ANK3: variants seen among roughly 807,000 people sequenced by gnomAD.
ANK3 encodes the protein ankyrin 3.
In ANK3, 57 loss-of-function variants were observed where a neutral mutation model predicts 370.9. That is an observed-to-expected ratio of 0.15 (90% confidence interval 0.12 to 0.19). The LOEUF (loss-of-function observed/expected upper bound fraction) is 0.19, where lower values mean the gene tolerates loss of function less well. Among genes scored for constraint, ANK3 ranks in the 10% least tolerant of loss-of-function variants. ANK3 has a pLI of 1.00. For missense variants in ANK3, 4,439 were observed against 5,302.1 expected, an observed-to-expected ratio of 0.84 and a Z score of 5.06; for synonymous variants, 1,929 against 1,946.3, an observed-to-expected ratio of 0.99 and a Z score of 0.23.
chr10:60,346,453 C>T (rs2055513411), intron 1 of ANK3, among the ~76,000 whole-genome samples: 2 of 126,354 alleles, frequency 1.6e-5, no homozygotes, highest in Admixed American at 1.7e-4. Flanking sequence ...CAAAAAAGTA[C>T]TCAAACTTAT....
At chr10:60,570,852 GA>G (rs893176088) in intron 2 of ANK3, among the ~76,000 whole-genome samples, 2 of 151,168 alleles carry the variant, frequency 1.3e-5, no homozygotes, top group African/African-American at 2.4e-5. Context: ...AGAGAGAGGG[GA>G]AAAAAAAGCC....
intron 1 of ANK3, among the ~76,000 whole-genome samples, chr10:60,326,812 G>T (rs963394927): frequency 2.6e-5 from 4 of 152,130 alleles, no homozygotes; most frequent in Admixed American, 1.3e-4. Flanking sequence ...ACGAGGTCAG[G>T]CTATCGAGAC....
chr10:60,233,063 C>T (rs76811070), intron 8 of ANK3, among the ~76,000 whole-genome samples: 3,394 of 152,238 alleles, frequency 0.022, 117 homozygotes, highest in African/African-American at 0.074. Flanking sequence ...GATTAGATTG[C>T]TTCTTGCACA....
chr10:60,112,261 T>C (rs1017689487), intron 26 of ANK3, among the ~76,000 whole-genome samples: 2 of 151,752 alleles, frequency 1.3e-5, no homozygotes, highest in African/African-American at 4.8e-5. Flanking sequence ...CTTTGAAATA[T>C]GGCGGCAATT....
intron 2 of ANK3, among the ~76,000 whole-genome samples, chr10:60,595,712 T>C (rs758623168): frequency 4.6e-5 from 7 of 152,146 alleles, no homozygotes; most frequent in Admixed American, 2.0e-4. Flanking sequence ...GGAGGAACTG[T>C]TATCTTTGTT....
At position 60,647,832 on chromosome 10, in the gene ANK3, A is replaced by C. The variant is rs563928246; in HGVS notation, c.58-32608T>G. 2.7e-5 allele frequency among the ~76,000 whole-genome samples: 4 copies of C among 148,852 alleles called. No individual in the cohort carries two copies. The East Asian group carries it at 6.1e-4, about 23-fold the overall frequency. ...ATAAAAACAGGTTTTTCAAATTTTCAAGACAGAAACAAAATTTGCCTTTTT... is the reference window on the plus strand; with the variant it reads ...ATAAAAACAGGTTTTTCAAATTTTCCAGACAGAAACAAAATTTGCCTTTTT... On this transcript the variant is annotated intron_variant, in intron 1 of 43. Transcript: ENST00000373827.
intron 23 of ANK3, among the ~76,000 whole-genome samples, chr10:60,143,781 A>G (rs983011517): frequency 5.3e-5 from 8 of 152,214 alleles, no homozygotes; most frequent in African/African-American, 1.9e-4. Context: ...GTGATTTTGA[A>G]TGAATGAGTT....
At chr10:60,233,561 A>T (rs1178270292) in intron 8 of ANK3, among the ~76,000 whole-genome samples, 1 of 152,162 alleles carries the variant, frequency 6.6e-6, no homozygotes, top group Non-Finnish European at 1.5e-5. Context: ...CCTGTTGTAC[A>T]GCCAAGACTA....
chr10:60,082,307 T>A lies in ANK3; in HGVS notation c.4324-131A>T. ...CTGATTTAGAAAGCAAAGCAAATTTTAAAAAAAGCCAACAAAAAATATCAA... is the reference window on the plus strand; with the variant it reads ...CTGATTTAGAAAGCAAAGCAAATTTAAAAAAAAGCCAACAAAAAATATCAA... On this transcript the variant is annotated intron_variant, in intron 34 of 43. Coordinates refer to ENST00000280772, the MANE Select transcript of ANK3 (RefSeq NM_020987.5). 2.3e-6 allele frequency: 2 copies of A among 868,196 alleles called. No homozygotes were observed. Among genetic ancestry groups the A allele is most frequent in the South Asian group, 1.7e-5 (1 of 57,210 alleles). The allele number at this position is 868,196 out of a possible 1,614,324, so 53.8% of individuals were successfully genotyped here. A position where few individuals can be genotyped will look rare whatever the true frequency, so the allele number is the denominator to read the frequency against.
chr10:60,716,238 T>G (rs1258498881), intron 1 of ANK3, among the ~76,000 whole-genome samples: 1 of 152,174 alleles, frequency 6.6e-6, no homozygotes, highest in Admixed American at 6.5e-5. Context: ...ATTAACTTTC[T>G]TGCCCTCTCA....
At chr10:60,257,344 C>A (rs576280054) in intron 7 of ANK3, among the ~76,000 whole-genome samples, 6 of 152,166 alleles carry the variant, frequency 3.9e-5, no homozygotes, top group Non-Finnish European at 5.9e-5. Flanking sequence ...ATGCCAAGTT[C>A]TTTCCTACAC....
intron 1 of ANK3, among the ~76,000 whole-genome samples, chr10:60,335,565 G>T (rs1459910683): frequency 2.0e-5 from 3 of 152,094 alleles, no homozygotes; most frequent in Non-Finnish European, 4.4e-5. Context: ...GCAAACCAGG[G>T]CAAGACATCA....
chr10:60,377,669 C>G (rs2060976701), intron 1 of ANK3, among the ~76,000 whole-genome samples: 2 of 152,164 alleles, frequency 1.3e-5, no homozygotes, highest in Non-Finnish European at 2.9e-5. Flanking sequence ...TAAAAGCCTT[C>G]TCCAAATGCA....
intron 2 of ANK3, among the ~76,000 whole-genome samples, chr10:60,520,200 A>G (rs557482096): frequency 7.9e-5 from 12 of 152,244 alleles, no homozygotes; most frequent in Admixed American, 7.9e-4. Flanking sequence ...CAAATTCTGC[A>G]TGTTCTCATA....
intron 1 of ANK3, among the ~76,000 whole-genome samples, chr10:60,694,668 G>T (rs1184121522): frequency 6.6e-6 from 1 of 151,770 alleles, no homozygotes; most frequent in Non-Finnish European, 1.5e-5. Context: ...GTGAAGGAGA[G>T]ATAAAATACT....
chr10:60,466,119 A>G (rs770886076), intron 2 of ANK3, among the ~76,000 whole-genome samples: 6 of 152,086 alleles, frequency 3.9e-5, no homozygotes, highest in Admixed American at 3.3e-4. Flanking sequence ...GAAACAACAC[A>G]TGGGTCTATT....
chr10:60,530,547 C>T (rs2076580846), intron 2 of ANK3, among the ~76,000 whole-genome samples: 3 of 151,968 alleles, frequency 2.0e-5, no homozygotes, highest in Admixed American at 6.6e-5. Context: ...TGAGGCACCT[C>T]AGGCACACGG....
intron 2 of ANK3, among the ~76,000 whole-genome samples, chr10:60,437,858 G>C: frequency 6.6e-6 from 1 of 152,202 alleles, no homozygotes; most frequent in East Asian, 1.9e-4. Context: ...CAGAAAGTGA[G>C]ACTTGATTTG....
intron 1 of ANK3, among the ~76,000 whole-genome samples, chr10:60,283,704 A>ATCTAGTAAC (rs1483551600): frequency 4.6e-5 from 7 of 152,150 alleles, no homozygotes; most frequent in African/African-American, 1.7e-4. Flanking sequence ...TTATGAATTA[A>ATCTAGTAAC]TCTAGTAACT....
Sources: allele counts gnomAD v4.1 joint callset (sites outside exome capture counted in the v4.1 genomes callset), GRCh38; gene constraint gnomAD v4.1.1; transcripts MANE v1.5; gene names NCBI Gene and HGNC (gene_info 2026-07-23, HGNC 2026-07-21).